The following CNTN4 variants were observed in gnomAD, a reference collection of about 807,000 sequenced individuals.
The protein encoded by CNTN4 is contactin-4.
A neutral mutation model predicts 122.5 loss-of-function variants in CNTN4; 77 were observed. The observed-to-expected ratio is 0.63, with a 90% confidence interval of 0.52 to 0.76. The LOEUF (loss-of-function observed/expected upper bound fraction) is 0.76, where lower values mean the gene tolerates loss of function less well. Ranked by LOEUF, CNTN4 falls within the 30% of genes least tolerant of loss-of-function variation. The pLI, the probability that CNTN4 is intolerant of heterozygous loss-of-function variation, is 0.00. For missense variants in CNTN4, 1,256 were observed against 1,259.1 expected, an observed-to-expected ratio of 1.00 and a Z score of 0.04; for synonymous variants, 512 against 447.0, an observed-to-expected ratio of 1.15 and a Z score of -1.83.
intron 4 of CNTN4, among the ~76,000 whole-genome samples, chr3:2,692,293 C>T (rs1468298011): frequency 3.3e-5 from 5 of 152,116 alleles, no homozygotes; most frequent in South Asian, 4.1e-4. Flanking sequence ...TTCGGAAAAG[C>T]GATGAAAACC....
At chr3:2,780,021 G>C (rs1349922319) in intron 6 of CNTN4, among the ~76,000 whole-genome samples, 1 of 152,152 alleles carries the variant, frequency 6.6e-6, no homozygotes, top group Non-Finnish European at 1.5e-5. Context: ...ACTGATAAAA[G>C]GATAAAAGTA....
At chr3:2,344,169 A>G (rs1158474214) in intron 3 of CNTN4, among the ~76,000 whole-genome samples, 1 of 152,194 alleles carries the variant, frequency 6.6e-6, no homozygotes, top group African/African-American at 2.4e-5. Flanking sequence ...CAAACATCCA[A>G]ACTATATCAG....
intron 4 of CNTN4, among the ~76,000 whole-genome samples, chr3:2,576,668 C>T (rs995218567): frequency 6.6e-6 from 1 of 151,638 alleles, no homozygotes; most frequent in Non-Finnish European, 1.5e-5. Context: ...CTGCCTCAGT[C>T]TCCTGAGGAT....
At position 2,745,713 on chromosome 3, in the gene CNTN4, A is replaced by G. The variant is rs2149554254; in HGVS notation, c.358+16A>G. On this transcript the variant is annotated intron_variant, in intron 6 of 24. Transcript: ENST00000418658. ...CAGTTTGCTTGTAAGTAGCAATTAT[A>G]CAATGCTGCAAATGTTGCTTTCAGT... The G allele has an allele frequency of 6.2e-7, 1 of 1,610,724 alleles. No individual in the cohort carries two copies. The highest frequency in any genetic ancestry group is 8.5e-7 in the Non-Finnish European group (1 of 1,176,942).
chr3:2,461,347 TA>T (rs577499912), intron 3 of CNTN4, among the ~76,000 whole-genome samples: 295 of 152,076 alleles, frequency 1.9e-3, no homozygotes, highest in African/African-American at 6.6e-3. Context: ...AATTATTAAT[TA>T]ATTAGTTAAC....
chr3:2,473,551 A>G (rs968924542), intron 3 of CNTN4, among the ~76,000 whole-genome samples: 15 of 152,282 alleles, frequency 9.9e-5, no homozygotes, highest in East Asian at 1.9e-4. Flanking sequence ...CAGATTCTCA[A>G]TGGCCACTTG....
chr3:2,442,565 C>T (rs944922690), intron 3 of CNTN4, among the ~76,000 whole-genome samples: 3 of 151,250 alleles, frequency 2.0e-5, no homozygotes, highest in Non-Finnish European at 4.4e-5. Flanking sequence ...GTAATCTTGT[C>T]GTTAACCCCC....
At chr3:2,120,654 C>T (rs1027362232) in intron 2 of CNTN4, among the ~76,000 whole-genome samples, 84 of 151,440 alleles carry the variant, frequency 5.5e-4, no homozygotes, top group African/African-American at 1.9e-3. Flanking sequence ...CTGCCTGTGT[C>T]GGCCTCCCAA....
At chr3:2,706,434 G>A (rs1170940198) in intron 4 of CNTN4, among the ~76,000 whole-genome samples, 2 of 152,116 alleles carry the variant, frequency 1.3e-5, no homozygotes, top group Non-Finnish European at 2.9e-5. Flanking sequence ...TATAGAGGTG[G>A]TTGTATTGAT....
intron 12 of CNTN4, among the ~76,000 whole-genome samples, chr3:2,911,934 G>A (rs1315795486): frequency 6.6e-6 from 1 of 152,152 alleles, no homozygotes; most frequent in African/African-American, 2.4e-5. Context: ...GAAAGCTGAA[G>A]GGTCTATGGG....
At chr3:2,232,252 A>G (rs2039514922) in intron 2 of CNTN4, among the ~76,000 whole-genome samples, 1 of 152,148 alleles carries the variant, frequency 6.6e-6, no homozygotes, top group Non-Finnish European at 1.5e-5. Flanking sequence ...AATTAGTATA[A>G]TTATTAATAA....
In CNTN4 at chr3:2,374,201, A is replaced by G. The variant is rs142996340; in HGVS notation, c.-89+34968A>G. Among the ~76,000 whole-genome samples, 820 of 152,232 alleles carry G rather than the reference A, an allele frequency of 5.4e-3. 4 individuals are homozygous for G. Among genetic ancestry groups the G allele is most frequent in the African/African-American group, 0.019 (773 of 41,536 alleles). On this transcript the variant is annotated intron_variant, in intron 3 of 24. Transcript: ENST00000418658. The stretch of plus-strand genomic sequence containing the variant: ...TTTATTTACCATTGTCTGTCCATAG[A>G]TTGTGGAATGAATTGGCTTGTGTGG...
chr3:2,584,920 G>T (rs929560066), intron 4 of CNTN4, among the ~76,000 whole-genome samples: 20 of 149,038 alleles, frequency 1.3e-4, no homozygotes, highest in African/African-American at 4.6e-4. Context: ...TAGGTAGGTA[G>T]ATAGATAGAT....
chr3:2,796,612 G>C (rs1282362001), intron 6 of CNTN4, among the ~76,000 whole-genome samples: 1 of 152,166 alleles, frequency 6.6e-6, no homozygotes, highest in East Asian at 1.9e-4. Flanking sequence ...ATTTAGGCTA[G>C]TACCACTGTT....
intron 14 of CNTN4, among the ~76,000 whole-genome samples, chr3:3,002,970 C>T (rs1696199988): frequency 6.6e-6 from 1 of 152,126 alleles, no homozygotes; most frequent in Admixed American, 6.6e-5. Context: ...GCGATGAGGA[C>T]CTGAAAGGAC....
At chr3:2,870,633 A>G (rs934870177) in intron 8 of CNTN4, among the ~76,000 whole-genome samples, 1 of 152,172 alleles carries the variant, frequency 6.6e-6, no homozygotes, top group African/African-American at 2.4e-5. Flanking sequence ...AATTTGTACA[A>G]TCATTTTGAT....
chr3:2,818,281 A>G (rs1237937233), intron 6 of CNTN4, among the ~76,000 whole-genome samples: 2 of 152,236 alleles, frequency 1.3e-5, no homozygotes, highest in African/African-American at 2.4e-5. Flanking sequence ...AGACATGTCT[A>G]TATGTAACTT....
At chr3:2,283,536 G>C (rs1323624981) in intron 2 of CNTN4, among the ~76,000 whole-genome samples, 1 of 152,116 alleles carries the variant, frequency 6.6e-6, no homozygotes, top group African/African-American at 2.4e-5. Flanking sequence ...GGGTATAGAA[G>C]AGAGGTTAAT....
chr3:2,219,047 A>C (rs2038961630), intron 2 of CNTN4, among the ~76,000 whole-genome samples: 1 of 152,214 alleles, frequency 6.6e-6, no homozygotes, highest in Non-Finnish European at 1.5e-5. Flanking sequence ...GGGCTTGCAC[A>C]TATTAGAGAG....
Sources: gnomAD v4.1 joint callset for allele counts (sites outside exome capture counted in the v4.1 genomes callset) on GRCh38, gnomAD v4.1.1 for gene constraint, MANE v1.5 for transcripts, NCBI Gene and HGNC (gene_info 2026-07-23, HGNC 2026-07-21) for gene names.